SP2: variants seen among roughly 807,000 people sequenced by gnomAD.
SP2 encodes Sp2 transcription factor.
Under a neutral mutation model 50.1 loss-of-function variants are expected in SP2, and 9 were observed. That is an observed-to-expected ratio of 0.18 (90% confidence interval 0.11 to 0.31). The LOEUF is 0.31. Ranked by LOEUF, SP2 falls within the 10% of genes least tolerant of loss-of-function variation. The pLI is 1.00. For synonymous variants in SP2, 313 were observed against 326.6 expected (o/e 0.96, Z 0.45); for missense variants, 581 against 806.5 (o/e 0.72, Z 3.39).
intron 6 of SP2, among the ~76,000 whole-genome samples, 183 bp from the exon 7 acceptor site, chr17:47,927,541 A>G (rs1389863171): frequency 7.9e-5 from 12 of 151,826 alleles, no homozygotes; most frequent in African/African-American, 2.9e-4. Flanking sequence ...CAAAAAAAAA[A>G]AAAAAAAAAA....
chr17:47,922,829 A>G lies in SP2; in HGVS notation c.1060-133A>G, dbSNP rs1383298943. ...TTTGTCGAGCATTAGCTGTGTATAA[A>G]TGTAGGTTTGGGTGAATTGAAGAGA... On this transcript the variant is annotated intron_variant, in intron 3 of 6. Transcript: ENST00000376741. The G allele has an allele frequency of 8.1e-6, 6 of 736,270 alleles. No homozygotes were observed. The Admixed American group carries it at 9.8e-5, about 12-fold the overall frequency. 45.6% of individuals were successfully genotyped at this position (736,270 alleles called of 1,614,324 possible). A position where few individuals can be genotyped will look rare whatever the true frequency, so the allele number is the denominator to read the frequency against.
chr17:47,901,606 C>G (rs920973046), intron 1 of SP2, among the ~76,000 whole-genome samples: 1 of 151,994 alleles, frequency 6.6e-6, no homozygotes. Context: ...TGCAGTAGTA[C>G]CTGGTGTGTG....
At chr17:47,915,288 A>C in intron 1 of SP2, 24 bp from the exon 2 acceptor site, 3 of 1,560,126 alleles carry the variant, frequency 1.9e-6, no homozygotes, top group Non-Finnish European at 2.6e-6. Flanking sequence ...TTTATACATT[A>C]CTCCATCTCT....
chr17:47,916,290 C>T lies in SP2; in HGVS notation c.219C>T (p.Ala73=). 6.2e-7 allele frequency: 1 copy of T among 1,614,090 alleles called. No individual in the cohort carries two copies. Among genetic ancestry groups the T allele is most frequent in the South Asian group, 1.1e-5 (1 of 91,074 alleles). The change falls in exon 3 of 7, where the codon GCC becomes GCT. Residue 73 remains alanine (A), a synonymous_variant. Coordinates refer to ENST00000376741, the MANE Select transcript of SP2 (RefSeq NM_003110.6). The surrounding 1 kb of genome is among the most constrained non-coding windows in gnomAD (Gnocchi z 4.7). ...GGAAACTTGTCCCTATCAAACCTGC[C>T]CCTCTCCCTCTCAGCCCCGGCAAGA... ...TPRKLVPIKP[A]PLPLSPGKNS... is the part of the protein sequence containing the mutation.
chr17:47,906,125 C>G (rs1026250468), intron 1 of SP2, among the ~76,000 whole-genome samples: 1 of 152,112 alleles, frequency 6.6e-6, no homozygotes, highest in African/African-American at 2.4e-5. Context: ...TGGAGGCTGA[C>G]TAAGGGGGAG....
rs111233682 is a variant in SP2 at position 47,913,770 on chromosome 17, CTTTA to C, written c.8-1537_8-1534del. ...TCATTACTTCCTCAACCTTATTTTT[CTTTA>C]TTTAAGAAAAAAAGTACAGTAGAAT... On this transcript the variant is annotated intron_variant, in intron 1 of 6. Transcript: ENST00000376741. Among the ~76,000 whole-genome samples the C allele has an allele frequency of 2.8e-4, 42 of 152,076 alleles. 1 individual carries two copies. Among genetic ancestry groups the C allele is most frequent in the African/African-American group, 8.2e-4 (34 of 41,492 alleles).
At chr17:47,897,733 TA>T in intron 1 of SP2, 1 of 382,358 alleles carries the variant, frequency 2.6e-6, no homozygotes, top group Non-Finnish European at 3.6e-6. Context: ...TTTCAATTAC[TA>T]ACACAAAGAA....
At chr17:47,927,354 C>G (rs1273092325) in intron 6 of SP2, among the ~76,000 whole-genome samples, 1 of 151,870 alleles carries the variant, frequency 6.6e-6, no homozygotes. Flanking sequence ...GACAACATGG[C>G]GAAACCCTGT....
Position 47,915,169 on chromosome 17 carries a change from T to C in SP2, c.8-143T>C. ...GGGAGGTTGCCGTGAGCCTAGATCATGCCACTACACTCCAGCCTGGGCAAC... is the reference window on the plus strand; with the variant it reads ...GGGAGGTTGCCGTGAGCCTAGATCACGCCACTACACTCCAGCCTGGGCAAC... On this transcript the variant is annotated intron_variant, in intron 1 of 6. Coordinates refer to ENST00000376741, the MANE Select transcript of SP2 (RefSeq NM_003110.6). The C allele has an allele frequency of 6.5e-6, 4 of 615,412 alleles. No individual in the cohort carries two copies. The East Asian group carries it at 1.1e-4, about 18-fold the overall frequency. 38.1% of individuals were successfully genotyped at this position (615,412 alleles called of 1,614,324 possible). A position where few individuals can be genotyped will look rare whatever the true frequency, so the allele number is the denominator to read the frequency against.
Position 47,924,918 on chromosome 17 carries a change from G to T in SP2, c.1373-1G>T. 6.3e-7 allele frequency: 1 copy of T among 1,593,896 alleles called. No homozygotes were observed. The highest frequency in any genetic ancestry group is 8.6e-7 in the Non-Finnish European group (1 of 1,165,960). On this transcript the variant is annotated splice_acceptor_variant, in intron 4 of 6. Transcript: ENST00000376741. LOFTEE classifies it high-confidence loss of function. ...AACTCTGCCCCTCTTTGTCCCCACAGGGCAGCAGCAGCTGACAGTGCAGAA... is the reference window on the plus strand; with the variant it reads ...AACTCTGCCCCTCTTTGTCCCCACATGGCAGCAGCAGCTGACAGTGCAGAA...
At chr17:47,910,292 C>G in intron 1 of SP2, among the ~76,000 whole-genome samples, 1 of 152,206 alleles carries the variant, frequency 6.6e-6, no homozygotes, top group East Asian at 1.9e-4. Context: ...AGAAAAATAT[C>G]ACGGTCCGTC....
chr17:47,929,987 A>G (rs1425967570), downstream of SP2: 2 of 152,206 alleles, frequency 1.3e-5, no homozygotes, highest in African/African-American at 4.8e-5. Context: ...AAAAGTAAAA[A>G]GCCCACAGAT....
At chr17:47,918,782 A>C (rs1221330420) in intron 3 of SP2, among the ~76,000 whole-genome samples, 2 of 152,156 alleles carry the variant, frequency 1.3e-5, no homozygotes, top group African/African-American at 2.4e-5. Flanking sequence ...TGTATTCTAT[A>C]TTAGAGGTTT....
chr17:47,909,258 A>G (rs1250622812), intron 1 of SP2, among the ~76,000 whole-genome samples: 1 of 152,236 alleles, frequency 6.6e-6, no homozygotes, highest in Non-Finnish European at 1.5e-5. Context: ...ACTTTTAGAA[A>G]TGCAATCCAA....
At position 47,916,506 on chromosome 17, in the gene SP2, C is replaced by T. The variant is rs764453127; in HGVS notation, c.435C>T (p.Thr145=). The T allele has an allele frequency of 4.3e-5, 69 of 1,614,000 alleles. No homozygotes were observed. In the East Asian group the frequency reaches 9.4e-4, roughly 22 times the overall value. The change falls in exon 3 of 7, where the codon ACC becomes ACT. Residue 145 remains threonine (T), a synonymous_variant. Coordinates refer to ENST00000376741, the MANE Select transcript of SP2 (RefSeq NM_003110.6). The surrounding 1 kb of genome is among the most constrained non-coding windows in gnomAD (Gnocchi z 4.7). ...AGATTCAGGCAAGCAATTCCCAAACCATCCAAGTACAGCCCAATCTCACCA... is the reference window on the plus strand; with the variant it reads ...AGATTCAGGCAAGCAATTCCCAAACTATCCAAGTACAGCCCAATCTCACCA... ...VPQIQASNSQ[T]IQVQPNLTNQ... is the part of the protein sequence containing the mutation.
At chr17:47,922,053 A>G (rs1024140681) in intron 3 of SP2, among the ~76,000 whole-genome samples, 7 of 152,120 alleles carry the variant, frequency 4.6e-5, no homozygotes, top group African/African-American at 2.4e-5. Context: ...TCTAATTCCC[A>G]TCTAGCACCA....
intron 1 of SP2, 158 bp downstream of exon 1, chr17:47,896,451 C>G: frequency 3.6e-6 from 2 of 551,890 alleles, no homozygotes; most frequent in African/African-American, 1.9e-5. Context: ...AGGGAGGATT[C>G]CCGCCCGGAG....
downstream of SP2, among the ~76,000 whole-genome samples, chr17:47,930,573 G>T (rs2035798481): frequency 1.3e-5 from 2 of 152,198 alleles, no homozygotes; most frequent in South Asian, 4.1e-4. Flanking sequence ...CTAGCTGAGT[G>T]ATGGCACAAG....
At chr17:47,906,985 A>G (rs573335560) in intron 1 of SP2, among the ~76,000 whole-genome samples, 1 of 152,246 alleles carries the variant, frequency 6.6e-6, no homozygotes, top group East Asian at 1.9e-4. Flanking sequence ...GCAAAGGAAG[A>G]GGAGCCCACA....
Sources: gnomAD v4.1 joint callset for allele counts (sites outside exome capture counted in the v4.1 genomes callset) on GRCh38, gnomAD v4.1.1 for gene constraint, Gnocchi (gnomAD v3.1) non-coding constraint, MANE v1.5 for transcripts, NCBI Gene and HGNC (gene_info 2026-07-23, HGNC 2026-07-21) for gene names.